KLHL13: variants seen among roughly 807,000 people sequenced by gnomAD.
The protein encoded by KLHL13 is kelch like family member 13.
Under a neutral mutation model 37.1 loss-of-function variants are expected in KLHL13, and 10 were observed. The observed-to-expected ratio is 0.27, with a 90% CI of 0.17 to 0.46. KLHL13 has a LOEUF of 0.46. Ranked by LOEUF, KLHL13 falls within the 20% of genes least tolerant of loss-of-function variation. The probability of loss-of-function intolerance (pLI) is 1.00; values close to 1 mark genes in which losing one functional copy is unlikely to be tolerated. For missense variants in KLHL13, 360 were observed against 509.3 expected (o/e 0.71, Z 2.82); for synonymous variants, 163 against 181.2 (o/e 0.90, Z 0.81).
At chrX:118,072,980 G>A (rs2054886839) in intron 1 of KLHL13, among the ~76,000 whole-genome samples, 1 of 109,712 alleles carries the variant, frequency 9.1e-6, no homozygotes, top group Admixed American at 9.7e-5. Context: ...TCTATTGCCA[G>A]CTACTCAGGA....
intron 2 of KLHL13, among the ~76,000 whole-genome samples, chrX:117,925,014 T>C (rs143537362): frequency 0.013 from 1,493 of 111,364 alleles, 16 homozygotes; most frequent in African/African-American, 0.046. Flanking sequence ...GAGAGGTACA[T>C]ATCTAATACC....
intron 1 of KLHL13, among the ~76,000 whole-genome samples, chrX:118,064,451 T>C (rs2054775093): frequency 9.0e-6 from 1 of 111,583 alleles, no homozygotes; most frequent in African/African-American, 3.2e-5. Flanking sequence ...CTCTCCAAAC[T>C]GAAGAAGCCA....
chrX:118,048,194 A>C (rs1359197494), intron 1 of KLHL13, among the ~76,000 whole-genome samples: 1 of 111,756 alleles, frequency 8.9e-6, no homozygotes, highest in African/African-American at 3.2e-5. Context: ...ACAAGTAGTT[A>C]ATGTTTTGTT....
rs1248823547 is a variant in KLHL13 at position 118,018,791 on chromosome X, T to C, written c.-55-73216A>G. Among the ~76,000 whole-genome samples, 3 of 111,742 alleles carry C rather than the reference T, an allele frequency of 2.7e-5. No homozygotes were observed. In the East Asian group the frequency reaches 8.4e-4, roughly 31 times the overall value. On this transcript the variant is annotated intron_variant, in intron 1 of 6. Transcript: ENST00000371882. ...ATTATATCTTCTAAATGGCGATTTCTGATACAGACAAAAGGTACTGTTTTT... is the reference window on the plus strand; with the variant it reads ...ATTATATCTTCTAAATGGCGATTTCCGATACAGACAAAAGGTACTGTTTTT...
chrX:117,988,216 G>C (rs1436449597), intron 1 of KLHL13, among the ~76,000 whole-genome samples: 3 of 111,972 alleles, frequency 2.7e-5, no homozygotes, highest in African/African-American at 9.7e-5. Flanking sequence ...AAGTTGCAAA[G>C]GCAGAAAGGG....
At chrX:118,086,744 G>C (rs2055058796) in intron 1 of KLHL13, among the ~76,000 whole-genome samples, 1 of 111,551 alleles carries the variant, frequency 9.0e-6, no homozygotes. Context: ...GCTGCCTCCA[G>C]AGAGAGAAGA....
chrX:118,032,113 G>C (rs907112698), intron 1 of KLHL13, among the ~76,000 whole-genome samples: 3 of 111,606 alleles, frequency 2.7e-5, no homozygotes, highest in Middle Eastern at 4.6e-3. Context: ...TCTCCTGATT[G>C]CTTGCACAGC....
chrX:117,975,671 G>A (rs1431637913), upstream of KLHL13, among the ~76,000 whole-genome samples: 2 of 112,132 alleles, frequency 1.8e-5, no homozygotes, highest in African/African-American at 6.5e-5. Context: ...GATTAAAGGC[G>A]TGAGCCACCG....
chrX:117,898,179 C>G lies in KLHL13; in HGVS notation c.*729G>C, dbSNP rs950653064. ...TTTCACATTTCTTTGATGTGCCACT[C>G]AATTTTTAAAAAAATTATATTTGAC... On this transcript the variant is annotated 3_prime_UTR_variant, in exon 7 of 7. Transcript: ENST00000262820. The G allele has an allele frequency of 3.5e-4, 39 of 111,272 alleles. No homozygotes were observed. Among genetic ancestry groups the G allele is most frequent in the African/African-American group, 1.3e-3 (39 of 30,307 alleles). The allele number at this position is 111,272 out of a possible 1,213,427, so 9.2% of individuals were successfully genotyped here. A position where few individuals can be genotyped will look rare whatever the true frequency, so the allele number is the denominator to read the frequency against.
At chrX:118,114,272 A>G in intron 1 of KLHL13, among the ~76,000 whole-genome samples, 1 of 112,590 alleles carries the variant, frequency 8.9e-6, no homozygotes, top group South Asian at 3.7e-4. Flanking sequence ...GAGAAAGAAG[A>G]TAATCCAATA....
intron 4 of KLHL13, among the ~76,000 whole-genome samples, chrX:117,918,658 G>A (rs1300378272): frequency 9.0e-6 from 1 of 111,553 alleles, no homozygotes; most frequent in African/African-American, 3.3e-5. Flanking sequence ...ACTCTCTTCA[G>A]GAACTGGGTG....
At chrX:118,107,044 T>C (rs2055355017) in intron 1 of KLHL13, among the ~76,000 whole-genome samples, 1 of 111,873 alleles carries the variant, frequency 8.9e-6, no homozygotes, top group African/African-American at 3.3e-5. Context: ...GGACTTAAAA[T>C]CTGGAACAAT....
chrX:117,909,689 T>C, exon 5 of KLHL13: 1 of 1,212,014 alleles, frequency 8.3e-7, no homozygotes, highest in South Asian at 1.8e-5. Context: ...ACTGCATAAC[T>C]GGCTGCATAT....
intron 1 of KLHL13, among the ~76,000 whole-genome samples, chrX:118,072,535 G>C (rs1031439095): frequency 2.5e-4 from 28 of 110,914 alleles, no homozygotes; most frequent in Non-Finnish European, 5.3e-4. Context: ...CCATCAGAGT[G>C]AACAGGCAAC....
intron 1 of KLHL13, among the ~76,000 whole-genome samples, chrX:118,100,281 G>A (rs185839470): frequency 2.7e-5 from 3 of 111,648 alleles, no homozygotes; most frequent in South Asian, 3.8e-4. Flanking sequence ...AGCATGGGCC[G>A]ATGCTGCAGC....
intron 2 of KLHL13, among the ~76,000 whole-genome samples, chrX:117,935,210 GA>G (rs201514400): frequency 2.7e-5 from 3 of 112,040 alleles, no homozygotes; most frequent in Non-Finnish European, 5.7e-5. Context: ...CAAAATGTAT[GA>G]AAAAAATGCT....
At chrX:117,991,535 G>T (rs2053789828) in intron 1 of KLHL13, among the ~76,000 whole-genome samples, 2 of 110,453 alleles carry the variant, frequency 1.8e-5, no homozygotes, top group Admixed American at 1.9e-4. Flanking sequence ...TATTTCTATG[G>T]ATGTATTTGT....
At chrX:117,923,777 G>C (rs1478810044) in intron 2 of KLHL13, among the ~76,000 whole-genome samples, 1 of 111,401 alleles carries the variant, frequency 9.0e-6, no homozygotes, top group Non-Finnish European at 1.9e-5. Flanking sequence ...TCAAGATCTG[G>C]ACAGCTTTGC....
chrX:118,109,228 T>C (rs1230976336), intron 1 of KLHL13, among the ~76,000 whole-genome samples: 1 of 111,839 alleles, frequency 8.9e-6, no homozygotes, highest in Non-Finnish European at 1.9e-5. Context: ...TGTTTAGATT[T>C]AGACCATTAG....
Sources: allele counts gnomAD v4.1 joint callset (sites outside exome capture counted in the v4.1 genomes callset), GRCh38; gene constraint gnomAD v4.1.1; transcripts MANE v1.5; gene names NCBI Gene and HGNC (gene_info 2026-07-23, HGNC 2026-07-21).